The following CPM variants were observed in gnomAD, a reference collection of about 807,000 sequenced individuals.
CPM encodes carboxypeptidase M.
In CPM, 35 loss-of-function variants were observed where a neutral mutation model predicts 46.4. The observed-to-expected ratio is 0.75, with a 90% CI of 0.58 to 1.00. CPM has a LOEUF of 1.00. Ranked by LOEUF, CPM falls within the 50% of genes least tolerant of loss-of-function variation. The pLI, the probability that CPM is intolerant of heterozygous loss-of-function variation, is 0.00. For missense variants in CPM, 422 were observed against 530.4 expected (o/e 0.80, Z 2.01); for synonymous variants, 195 against 195.3 (o/e 1.00, Z 0.01).
At chr12:68,846,678 T>C (rs1884317517), downstream of CPM, 1 of 152,224 alleles carries the variant, frequency 6.6e-6, no homozygotes, top group Admixed American at 6.5e-5. Context: ...ATCTCTGATG[T>C]TCTACTGGAT....
chr12:68,924,068 G>A (rs1407104519), intron 2 of CPM, among the ~76,000 whole-genome samples: 4 of 151,546 alleles, frequency 2.6e-5, no homozygotes, highest in East Asian at 1.9e-4. Context: ...CTAGAGCTAC[G>A]GGAGGCTGAG....
chr12:68,871,826 A>T lies in CPM; in HGVS notation c.389T>A (p.Phe130Tyr). ...ACAGTCAGGCTTTTTGACGGCTTCA[A>T]ATCCATCTGGGTTCATGGAAGGCAT... ...HIMPSMNPDGFEAVKKPDCYY... is the reference protein window; with the variant it reads ...HIMPSMNPDGYEAVKKPDCYY... Residue 130 changes from phenylalanine to tyrosine, a missense_variant, in exon 4 of 9, where the codon TTT becomes TAT. By Grantham distance (22) the Phe-to-Tyr change is conservative. Coordinates refer to ENST00000551568, the MANE Select transcript of CPM (RefSeq NM_198320.5). The T allele has an allele frequency of 6.2e-7, 1 of 1,614,206 alleles. No homozygotes were observed. The highest frequency in any genetic ancestry group is 1.7e-5 in the Admixed American group (1 of 60,026).
At chr12:68,923,784 G>T (rs1004947194) in intron 2 of CPM, among the ~76,000 whole-genome samples, 5 of 152,102 alleles carry the variant, frequency 3.3e-5, no homozygotes, top group African/African-American at 9.7e-5. Context: ...ATGCAGATTG[G>T]TTTGGCTCTT....
chr12:68,863,686 C>G (rs1310032224), intron 7 of CPM, among the ~76,000 whole-genome samples: 1 of 152,194 alleles, frequency 6.6e-6, no homozygotes, highest in Non-Finnish European at 1.5e-5. Flanking sequence ...ACAGCTTGGG[C>G]TCTACCTAAG....
chr12:68,868,914 T>C (rs1340299102), intron 6 of CPM, among the ~76,000 whole-genome samples: 1 of 152,158 alleles, frequency 6.6e-6, no homozygotes, highest in Non-Finnish European at 1.5e-5. Flanking sequence ...TCTTCACTAC[T>C]CCCTATTGTA....
At chr12:68,934,179 T>C (rs1027526046), upstream of CPM, among the ~76,000 whole-genome samples, 1 of 151,960 alleles carries the variant, frequency 6.6e-6, no homozygotes, top group South Asian at 2.1e-4. Context: ...TGTCAGGGTA[T>C]TGGGGGCCCG....
intron 5 of CPM, among the ~76,000 whole-genome samples, chr12:68,869,806 C>A (rs866522017): frequency 6.6e-6 from 1 of 151,954 alleles, no homozygotes; most frequent in African/African-American, 2.4e-5. Context: ...GTGAATAAAG[C>A]TACTGTAATA....
chr12:68,962,541 T>C (rs1889139996), intron 1 of CPM, among the ~76,000 whole-genome samples: 2 of 152,150 alleles, frequency 1.3e-5, no homozygotes, highest in South Asian at 4.1e-4. Context: ...TATCAAACTT[T>C]TCATCCGCCT....
chr12:68,956,758 C>T (rs1368078080), intron 1 of CPM, among the ~76,000 whole-genome samples: 13 of 152,226 alleles, frequency 8.5e-5, no homozygotes, highest in African/African-American at 3.1e-4. Flanking sequence ...AATCACAGTT[C>T]ACATGTTACG....
chr12:68,889,642 A>C (rs529232445), intron 2 of CPM, among the ~76,000 whole-genome samples: 2 of 152,232 alleles, frequency 1.3e-5, no homozygotes, highest in Non-Finnish European at 2.9e-5. Flanking sequence ...CAGCTTGGGC[A>C]ACACAGTGTG....
At chr12:68,936,765 T>C (rs1888680942), upstream of CPM, among the ~76,000 whole-genome samples, 1 of 152,166 alleles carries the variant, frequency 6.6e-6, no homozygotes, top group Non-Finnish European at 1.5e-5. Flanking sequence ...CATACAAATG[T>C]ATGACTTCTG....
chr12:68,922,820 TACTA>T (rs1416725251), intron 2 of CPM, among the ~76,000 whole-genome samples: 1 of 152,218 alleles, frequency 6.6e-6, no homozygotes, highest in Non-Finnish European at 1.5e-5. Context: ...AATTAGGACT[TACTA>T]ACCTCTTCAC....
At chr12:68,849,153 G>A (rs11177391), downstream of CPM, 780 of 150,252 alleles carry the variant, frequency 5.2e-3, 23 homozygotes, top group Admixed American at 0.037. Context: ...GAAGTGGCGC[G>A]ATCTCGGCTC....
Position 68,856,656 on chromosome 12 carries a change from T to C in CPM, c.1113A>G (p.Pro371=). ...IINVTVPGHD[P]HITKVIIPEK... is the part of the protein sequence containing the mutation. The stretch of plus-strand genomic sequence containing the variant: ...CCGGAATAATCACCTTTGTGATGTG[T>C]GGATCATGTCCAGGGACTGTAACCT... The change falls in exon 9 of 9, where the codon CCA becomes CCG. Residue 371 remains proline (P), a synonymous_variant. Transcript: ENST00000551568. 6.2e-7 allele frequency: 1 copy of C among 1,614,238 alleles called. No homozygotes were observed. The highest frequency in any genetic ancestry group is 8.5e-7 in the Non-Finnish European group (1 of 1,180,034).
chr12:68,843,800 G>C (rs1031031567), intron 5 of CPM: 1 of 221,250 alleles, frequency 4.5e-6, no homozygotes, highest in African/African-American at 2.2e-5. Context: ...TAATACTTCA[G>C]CTACAACCAA....
At chr12:68,955,242 A>G (rs982237020) in intron 1 of CPM, among the ~76,000 whole-genome samples, 7 of 152,202 alleles carry the variant, frequency 4.6e-5, no homozygotes, top group Admixed American at 3.3e-4. Context: ...ATCCCAGGAC[A>G]CTGACACCTA....
chr12:68,883,055 A>G (rs779133757), intron 3 of CPM, among the ~76,000 whole-genome samples: 1 of 152,140 alleles, frequency 6.6e-6, no homozygotes, highest in Non-Finnish European at 1.5e-5. Context: ...GTGGGGTCCC[A>G]TTTTAAAAAT....
intron 1 of CPM, among the ~76,000 whole-genome samples, chr12:68,940,821 A>G (rs1592712324): frequency 6.6e-6 from 1 of 152,116 alleles, no homozygotes; most frequent in African/African-American, 2.4e-5. Context: ...TGTCCTTCCT[A>G]TATTTTTTAA....
At position 68,931,744 on chromosome 12, in the gene CPM, CAA is replaced by C. The variant is rs1230893187; in HGVS notation, c.160+932_160+933del. On this transcript the variant is annotated intron_variant, in intron 2 of 8. Transcript: ENST00000551568. The stretch of plus-strand genomic sequence containing the variant: ...CTGGGCAACAGAGCGAGACTCTGAC[CAA>C]AAAAAAAAAAAAAAAAAAAAGAAAG... 3.9e-4 allele frequency among the ~76,000 whole-genome samples: 14 copies of C among 36,202 alleles called. No homozygotes were observed. The South Asian group carries it at 8.4e-3, about 22-fold the overall frequency. The allele number at this position is 36,202 out of a possible 152,430, so 23.7% of individuals were successfully genotyped here.
Sources: gnomAD v4.1 joint callset for allele counts (sites outside exome capture counted in the v4.1 genomes callset) on GRCh38, gnomAD v4.1.1 for gene constraint, MANE v1.5 for transcripts, NCBI Gene and HGNC (gene_info 2026-07-23, HGNC 2026-07-21) for gene names.